Variants in DAB1 observed in about 807,000 individuals in gnomAD.
DAB1 encodes disabled homolog 1.
A neutral mutation model predicts 64.6 loss-of-function variants in DAB1; 15 were observed. The ratio of observed to expected loss-of-function variants is 0.23; its 90% CI spans 0.16 to 0.36. DAB1 has a LOEUF of 0.36. Among genes scored for constraint, DAB1 ranks in the 10% least tolerant of loss-of-function variants. The pLI is 1.00. For synonymous variants in DAB1, 235 were observed against 251.9 expected (o/e 0.93, Z 0.64); for missense variants, 596 against 706.7 (o/e 0.84, Z 1.78).
chr1:57,136,481 C>T (rs749970473), intron 4 of DAB1, 62 bp downstream of exon 4: 4 of 944,824 alleles, frequency 4.2e-6, no homozygotes, highest in Admixed American at 2.4e-5. Flanking sequence ...AGAGTAGAGG[C>T]TTTTAAGGGT....
At chr1:58,089,969 A>G (rs952054800) in intron 5 of DAB1, among the ~76,000 whole-genome samples, 4 of 152,240 alleles carry the variant, frequency 2.6e-5, no homozygotes, top group Admixed American at 2.6e-4. Context: ...CCTAGACTCA[A>G]CATCGCAGCT....
chr1:58,418,105 G>A (rs1441747908), intron 3 of DAB1, among the ~76,000 whole-genome samples: 4 of 152,196 alleles, frequency 2.6e-5, no homozygotes, highest in East Asian at 1.9e-4. Context: ...GTGCAATTCC[G>A]CAACTCTCTC....
chr1:58,077,226 T>C (rs1476010211), intron 5 of DAB1, among the ~76,000 whole-genome samples: 2 of 152,136 alleles, frequency 1.3e-5, no homozygotes, highest in East Asian at 3.9e-4. Context: ...AATCCAATCC[T>C]TACTTAAAGA....
intron 1 of DAB1, among the ~76,000 whole-genome samples, chr1:57,841,343 G>A (rs1330234629): frequency 6.6e-6 from 1 of 152,238 alleles, no homozygotes; most frequent in Non-Finnish European, 1.5e-5. Flanking sequence ...AGTAAAAGCT[G>A]TTGGTGGATC....
intron 9 of DAB1, among the ~76,000 whole-genome samples, chr1:57,043,153 T>G (rs1431926085): frequency 6.6e-6 from 1 of 152,166 alleles, no homozygotes; most frequent in Non-Finnish European, 1.5e-5. Context: ...TCTGAGATAG[T>G]CTTCGCTACT....
chr1:57,544,121 A>T lies in DAB1; in HGVS notation n.625+105471T>A, dbSNP rs761176418. Among the ~76,000 whole-genome samples the T allele has an allele frequency of 1.9e-4, 29 of 152,176 alleles. 1 individual carries two copies. Among genetic ancestry groups the T allele is most frequent in the Middle Eastern group, 3.2e-3 (1 of 316 alleles). On this transcript the variant is annotated intron_variant and non_coding_transcript_variant, in intron 7 of 20. Coordinates refer to the DAB1 transcript ENST00000485760. ...GAGCAAGACTTCATCTCTAAAAATA[A>T]AATAAAAAGAACAAATATGTACACT...
intron 7 of DAB1, among the ~76,000 whole-genome samples, chr1:57,574,332 C>A (rs1025610498): frequency 1.3e-5 from 2 of 152,130 alleles, no homozygotes; most frequent in African/African-American, 4.8e-5. Flanking sequence ...AGGGCTGCTG[C>A]TCAACAGGAT....
chr1:57,682,000 C>A lies in DAB1; in HGVS notation n.552-32335G>T, dbSNP rs796124657. 3.3e-5 allele frequency among the ~76,000 whole-genome samples: 5 copies of A among 152,252 alleles called. No homozygotes were observed. In the South Asian group the frequency reaches 6.2e-4, roughly 19 times the overall value. ...CCTGTGGGCCCCACCTACCTCCTCA[C>A]AGCCCTTAATAGGCTTCCGAACATC... On this transcript the variant is annotated intron_variant and non_coding_transcript_variant, in intron 6 of 20. Coordinates refer to the DAB1 transcript ENST00000485760.
chr1:58,257,886 G>A (rs17117200), intron 4 of DAB1, among the ~76,000 whole-genome samples: 3,326 of 152,268 alleles, frequency 0.022, 134 homozygotes, highest in African/African-American at 0.076. Flanking sequence ...AGCTTCTACC[G>A]AGTGACAGGA....
At chr1:57,813,507 G>A (rs1021546036) in intron 6 of DAB1, among the ~76,000 whole-genome samples, 1 of 152,228 alleles carries the variant, frequency 6.6e-6, no homozygotes, top group Non-Finnish European at 1.5e-5. Flanking sequence ...ACAGGCAGAT[G>A]TGTAAATCTA....
At chr1:57,665,805 G>A (rs1486116097) in intron 6 of DAB1, among the ~76,000 whole-genome samples, 2 of 150,058 alleles carry the variant, frequency 1.3e-5, no homozygotes, top group East Asian at 2.0e-4. Flanking sequence ...TTGTTTTTGG[G>A]TTACAGGATT....
chr1:58,474,797 G>A (rs1645402815), intron 3 of DAB1, among the ~76,000 whole-genome samples: 1 of 152,216 alleles, frequency 6.6e-6, no homozygotes, highest in Non-Finnish European at 1.5e-5. Context: ...ATTAAAGACA[G>A]TGAAAGCCTT....
chr1:58,169,867 C>T (rs1656067141), intron 4 of DAB1, among the ~76,000 whole-genome samples: 1 of 152,132 alleles, frequency 6.6e-6, no homozygotes, highest in Non-Finnish European at 1.5e-5. Flanking sequence ...GGGATTTGGC[C>T]CGACCCAGGT....
intron 5 of DAB1, among the ~76,000 whole-genome samples, chr1:58,125,561 C>T (rs1387919489): frequency 6.6e-6 from 1 of 151,850 alleles, no homozygotes; most frequent in Non-Finnish European, 1.5e-5. Context: ...CTCACCTCAG[C>T]CTCCCAAGTA....
At chr1:57,925,543 CA>C (rs2102029049) in intron 5 of DAB1, among the ~76,000 whole-genome samples, 1 of 152,308 alleles carries the variant, frequency 6.6e-6, no homozygotes, top group East Asian at 1.9e-4. Flanking sequence ...CCACTGAAAA[CA>C]GAGCACAGAC....
chr1:58,296,119 G>A (rs1222820943), intron 4 of DAB1, among the ~76,000 whole-genome samples: 2 of 85,208 alleles, frequency 2.3e-5, no homozygotes, highest in African/African-American at 4.4e-5. Context: ...GCAAGAAAGC[G>A]AGAAAGAAAA....
chr1:57,250,724 T>C (rs1669271007), intron 2 of DAB1, among the ~76,000 whole-genome samples: 1 of 152,212 alleles, frequency 6.6e-6, no homozygotes, highest in Middle Eastern at 3.2e-3. Context: ...GCAACAGCTG[T>C]TCACTAGTTT....
intron 5 of DAB1, among the ~76,000 whole-genome samples, chr1:58,067,841 T>C (rs907680778): frequency 6.6e-6 from 1 of 152,170 alleles, no homozygotes; most frequent in Non-Finnish European, 1.5e-5. Flanking sequence ...GCAGCTGTTG[T>C]ATTGGGGATA....
chr1:57,887,918 C>T (rs1002993599), upstream of DAB1, among the ~76,000 whole-genome samples: 32 of 152,176 alleles, frequency 2.1e-4, no homozygotes, highest in African/African-American at 7.5e-4. Context: ...GCGGGTGTCT[C>T]AGGAAACTTC....
Sources: allele counts gnomAD v4.1 joint callset (sites outside exome capture counted in the v4.1 genomes callset), GRCh38; gene constraint gnomAD v4.1.1; transcripts MANE v1.5; gene names NCBI Gene and HGNC (gene_info 2026-07-23, HGNC 2026-07-21).